The following CAPS2 variants were observed in gnomAD, a reference collection of about 807,000 sequenced individuals.
The protein encoded by CAPS2 is calcyphosine 2.
Under a neutral mutation model 86.5 loss-of-function variants are expected in CAPS2, and 98 were observed. The observed-to-expected ratio is 1.13, with a 90% confidence interval of 0.96 to 1.34. The LOEUF (loss-of-function observed/expected upper bound fraction) is 1.34. Among genes scored for constraint, CAPS2 ranks in the 40% most tolerant of loss-of-function variants. The probability of loss-of-function intolerance (pLI) is 0.00; values close to 1 mark genes in which losing one functional copy is unlikely to be tolerated. For synonymous variants in CAPS2, 210 were observed against 225.1 expected (o/e 0.93, Z 0.60); for missense variants, 729 against 686.8 (o/e 1.06, Z -0.69).
intron 9 of CAPS2, among the ~76,000 whole-genome samples, chr12:75,299,505 A>C (rs1228672869): frequency 6.6e-6 from 1 of 152,128 alleles, no homozygotes; most frequent in Non-Finnish European, 1.5e-5. Flanking sequence ...ATTAAGATAA[A>C]ATTAAATAAA....
At chr12:75,348,254 C>T (rs933330324) in intron 1 of CAPS2, among the ~76,000 whole-genome samples, 4 of 152,066 alleles carry the variant, frequency 2.6e-5, no homozygotes, top group Non-Finnish European at 5.9e-5. Flanking sequence ...ACTATAAAAA[C>T]AGTTAATAAC....
chr12:75,335,430 AT>A (rs2139222087), intron 1 of CAPS2, among the ~76,000 whole-genome samples: 2 of 152,316 alleles, frequency 1.3e-5, no homozygotes, highest in Middle Eastern at 3.4e-3. Flanking sequence ...AATCCATAGA[AT>A]TTACAAAATT....
chr12:75,310,731 C>G (rs1304040957), intron 7 of CAPS2, among the ~76,000 whole-genome samples: 1 of 152,102 alleles, frequency 6.6e-6, no homozygotes, highest in African/African-American at 2.4e-5. Context: ...TGAACTAAGT[C>G]ATGCAAATGC....
At chr12:75,346,953 A>C (rs919042814) in intron 1 of CAPS2, among the ~76,000 whole-genome samples, 17 of 151,992 alleles carry the variant, frequency 1.1e-4, no homozygotes, top group Middle Eastern at 3.4e-3. Context: ...AAAATGAAAA[A>C]ATTTTATTCT....
rs2038509999 is a variant in CAPS2 at position 75,306,420 on chromosome 12, G to A, written c.660-1544C>T. ...CCTCACCAGGCCTGTGGAAGGGTGG[G>A]GGTGGGTCACTAGAGTATTCAGGAT... is the stretch of plus-strand genomic sequence containing the variant. On this transcript the variant is annotated intron_variant, in intron 7 of 16. Coordinates refer to ENST00000393284, the Ensembl canonical transcript of CAPS2. 1.9e-5 allele frequency: 7 copies of A among 366,808 alleles called. No individual in the cohort carries two copies. The South Asian group carries it at 2.3e-4, about 12-fold the overall frequency. The allele number at this position is 366,808 out of a possible 1,614,324, so 22.7% of individuals were successfully genotyped here. A position where few individuals can be genotyped will look rare whatever the true frequency, so the allele number is the denominator to read the frequency against.
At chr12:75,358,831 A>G (rs1446365317) in intron 1 of CAPS2, among the ~76,000 whole-genome samples, 3 of 144,288 alleles carry the variant, frequency 2.1e-5, no homozygotes, top group Admixed American at 1.4e-4. Context: ...TATATAATAT[A>G]TAACAATATA....
intron 1 of CAPS2, chr12:75,363,182 A>T: frequency 6.8e-7 from 1 of 1,467,094 alleles, no homozygotes; most frequent in Non-Finnish European, 9.1e-7. Flanking sequence ...TGTGTAAAGA[A>T]CCTCTGCAGT....
In CAPS2 at chr12:75,363,098, A is replaced by T. The variant is rs370263038; in HGVS notation, c.-395+27740T>A. ...TGGCTAATCAATGTTTCTCTTTTTT[A>T]CAGAGGAAATTTTGCAAATATGCCT... On this transcript the variant is annotated intron_variant, in intron 1 of 5. Transcript: ENST00000551829. The T allele has an allele frequency of 6.7e-5, 101 of 1,514,888 alleles. No homozygotes were observed. The African/African-American group carries it at 1.3e-3, about 20-fold the overall frequency. 93.8% of individuals were successfully genotyped at this position (1,514,888 alleles called of 1,614,324 possible). A position where few individuals can be genotyped will look rare whatever the true frequency, so the allele number is the denominator to read the frequency against.
chr12:75,363,076 C>T (rs2043717965), intron 1 of CAPS2: 1 of 1,257,728 alleles, frequency 8.0e-7, no homozygotes. Context: ...AGCCATTTGG[C>T]TAATCAATGT....
At chr12:75,276,695 A>C (rs779799799), downstream of CAPS2, 2 of 809,680 alleles carry the variant, frequency 2.5e-6, no homozygotes, top group Non-Finnish European at 1.5e-6. Context: ...AAATATAAAA[A>C]CAGAAAAATC....
At chr12:75,311,414 T>C (rs565887656) in intron 7 of CAPS2, among the ~76,000 whole-genome samples, 62 of 152,152 alleles carry the variant, frequency 4.1e-4, no homozygotes, top group Middle Eastern at 6.8e-3. Flanking sequence ...TGAGTTACTA[T>C]GGAGGAAAAT....
chr12:75,289,409 A>G (rs527455782), intron 14 of CAPS2, among the ~76,000 whole-genome samples: 1 of 152,332 alleles, frequency 6.6e-6, no homozygotes, highest in African/African-American at 2.4e-5. Flanking sequence ...AGAGCTTAGC[A>G]CAATGCCTGG....
At chr12:75,324,255 A>T (rs894342337) in intron 2 of CAPS2, among the ~76,000 whole-genome samples, 2 of 152,226 alleles carry the variant, frequency 1.3e-5, no homozygotes, top group African/African-American at 2.4e-5. Flanking sequence ...TTAGCTAGAG[A>T]TACAGAGTTC....
chr12:75,366,884 G>T, intron 1 of CAPS2: 1 of 701,340 alleles, frequency 1.4e-6, no homozygotes, highest in Non-Finnish European at 2.6e-6. Context: ...TTTTGTTGAG[G>T]GTTCCCTGTA....
intron 1 of CAPS2, among the ~76,000 whole-genome samples, chr12:75,345,174 T>C (rs568026537): frequency 6.6e-6 from 1 of 152,176 alleles, no homozygotes; most frequent in Non-Finnish European, 1.5e-5. Context: ...AATCAGACTC[T>C]CATAACTATG....
At chr12:75,358,079 T>TAAATA (rs1223583650) in intron 1 of CAPS2, among the ~76,000 whole-genome samples, 2 of 151,386 alleles carry the variant, frequency 1.3e-5, no homozygotes, top group Non-Finnish European at 3.0e-5. Flanking sequence ...ATTTTATTAA[T>TAAATA]AAAATTTATC....
chr12:75,353,023 A>G (rs905751192), intron 1 of CAPS2, among the ~76,000 whole-genome samples: 6 of 152,188 alleles, frequency 3.9e-5, no homozygotes, highest in Non-Finnish European at 8.8e-5. Flanking sequence ...TATAGTGCTA[A>G]ATGCTCACAT....
At chr12:75,320,538 A>G (rs946353775) in intron 5 of CAPS2, among the ~76,000 whole-genome samples, 2 of 151,994 alleles carry the variant, frequency 1.3e-5, no homozygotes, top group African/African-American at 4.8e-5. Context: ...TAATTTTGTT[A>G]CTCTTTCAGC....
At chr12:75,381,778 C>A (rs2045004784) in intron 1 of CAPS2, among the ~76,000 whole-genome samples, 1 of 151,900 alleles carries the variant, frequency 6.6e-6, no homozygotes, top group Non-Finnish European at 1.5e-5. Flanking sequence ...CCATGCCCAG[C>A]TAATTTTTGT....
Sources: allele counts gnomAD v4.1 joint callset (sites outside exome capture counted in the v4.1 genomes callset), GRCh38; gene constraint gnomAD v4.1.1; transcripts MANE v1.5; gene names NCBI Gene and HGNC (gene_info 2026-07-23, HGNC 2026-07-21).